SEPTIN7: variants seen among roughly 807,000 people sequenced by gnomAD.
SEPTIN7 encodes the protein septin-7.
In SEPTIN7, 10 loss-of-function variants were observed where a neutral mutation model predicts 63.3. The ratio of observed to expected loss-of-function variants is 0.16; its 90% CI spans 0.10 to 0.27. The LOEUF (loss-of-function observed/expected upper bound fraction) is 0.27, where lower values mean the gene tolerates loss of function less well. SEPTIN7 is among the 10% of genes least tolerant of loss of function. The pLI, the probability that SEPTIN7 is intolerant of heterozygous loss-of-function variation, is 1.00. For missense variants in SEPTIN7, 310 were observed against 521.0 expected (o/e 0.59, Z 3.94); for synonymous variants, 131 against 165.3 (o/e 0.79, Z 1.59).
chr7:35,812,638 A>G (rs886736458), intron 1 of SEPTIN7, among the ~76,000 whole-genome samples: 1 of 152,142 alleles, frequency 6.6e-6, no homozygotes, highest in Non-Finnish European at 1.5e-5. Context: ...GTTGGTGGGT[A>G]GTGGATTTCA....
At chr7:35,868,017 C>T (rs1005483720) in intron 4 of SEPTIN7, among the ~76,000 whole-genome samples, 11 of 151,564 alleles carry the variant, frequency 7.3e-5, no homozygotes, top group South Asian at 4.2e-4. Flanking sequence ...GGATTACAGG[C>T]GCGTACTACA....
intron 3 of SEPTIN7, among the ~76,000 whole-genome samples, chr7:35,849,286 C>CA (rs1784839873): frequency 6.6e-6 from 1 of 152,022 alleles, no homozygotes; most frequent in African/African-American, 2.4e-5. Context: ...TCGTGGAAGA[C>CA]AATTTTTCTG....
At chr7:35,891,357 TTG>T (rs1485420629) in intron 11 of SEPTIN7, among the ~76,000 whole-genome samples, 2 of 151,920 alleles carry the variant, frequency 1.3e-5, no homozygotes, top group Non-Finnish European at 2.9e-5. Flanking sequence ...TTTTGTCATT[TTG>T]TAAACATCAT....
At chr7:35,915,086 T>C in the SEPTIN7 span, among the ~76,000 whole-genome samples, 1 of 151,922 alleles carries the variant, frequency 6.6e-6, no homozygotes, top group Non-Finnish European at 1.5e-5. Context: ...TACATATATG[T>C]ATATATGCGT....
chr7:35,864,991 T>G lies in SEPTIN7; in HGVS notation c.276+1333T>G, dbSNP rs78424195. ...GGAGTAATTTTGTGAAGTGAATTTC[T>G]TATTTCTCCTTCTCAATGTTTCTAT... On this transcript the variant is annotated intron_variant, in intron 4 of 13. Coordinates refer to ENST00000350320, the MANE Select transcript of SEPTIN7 (RefSeq NM_001788.6). Among the ~76,000 whole-genome samples the G allele has an allele frequency of 2.7e-3, 409 of 152,214 alleles. 2 individuals carry two copies. Among genetic ancestry groups the G allele is most frequent in the African/African-American group, 9.4e-3 (391 of 41,536 alleles).
chr7:35,839,135 C>T (rs1784278429), intron 3 of SEPTIN7, among the ~76,000 whole-genome samples: 1 of 152,058 alleles, frequency 6.6e-6, no homozygotes, highest in Non-Finnish European at 1.5e-5. Flanking sequence ...CATGGTGAGA[C>T]TTATTTGGAG....
intron 1 of SEPTIN7, among the ~76,000 whole-genome samples, chr7:35,806,620 A>G (rs567684682): frequency 4.2e-4 from 64 of 152,232 alleles, no homozygotes; most frequent in Non-Finnish European, 7.8e-4. Flanking sequence ...CACATCTTGT[A>G]GCCTTTATTC....
chr7:35,843,128 T>G (rs1228154090), intron 3 of SEPTIN7, among the ~76,000 whole-genome samples: 1 of 152,180 alleles, frequency 6.6e-6, no homozygotes, highest in East Asian at 1.9e-4. Context: ...CATCACCTCC[T>G]TCAGGTTCTT....
At chr7:35,828,502 A>C (rs1187881789) in intron 1 of SEPTIN7, among the ~76,000 whole-genome samples, 1 of 152,020 alleles carries the variant, frequency 6.6e-6, no homozygotes, top group Non-Finnish European at 1.5e-5. Context: ...CAGCATCCCA[A>C]GTAGCTGGGA....
At chr7:35,801,947 A>G (rs970247631) in intron 1 of SEPTIN7, among the ~76,000 whole-genome samples, 1 of 152,004 alleles carries the variant, frequency 6.6e-6, no homozygotes, top group African/African-American at 2.4e-5. Flanking sequence ...AGGCCGGTGG[A>G]TGGCGGGCGA....
chr7:35,915,051 GTATA>G, the SEPTIN7 span, among the ~76,000 whole-genome samples: 1 of 151,346 alleles, frequency 6.6e-6, no homozygotes, highest in Non-Finnish European at 1.5e-5. Flanking sequence ...ATGTATATAT[GTATA>G]TATACACAGA....
At chr7:35,876,162 C>G (rs1414549670) in intron 6 of SEPTIN7, among the ~76,000 whole-genome samples, 2 of 152,008 alleles carry the variant, frequency 1.3e-5, no homozygotes, top group Non-Finnish European at 2.9e-5. Context: ...AGTTGACTTC[C>G]CTAATTTCCT....
At chr7:35,870,060 G>T (rs898077765) in intron 4 of SEPTIN7, among the ~76,000 whole-genome samples, 1 of 152,184 alleles carries the variant, frequency 6.6e-6, no homozygotes, top group African/African-American at 2.4e-5. Context: ...ACTTGTAAAA[G>T]CAGATGATAG....
In SEPTIN7 at chr7:35,816,917, C is replaced by CT. The variant is rs1789103506; in HGVS notation, c.62-14574dup. Among the ~76,000 whole-genome samples the CT allele has an allele frequency of 4.6e-5, 7 of 151,972 alleles. No homozygotes were observed. In the South Asian group the frequency reaches 1.2e-3, roughly 27 times the overall value. On this transcript the variant is annotated intron_variant, in intron 1 of 13. Transcript: ENST00000350320. Reference sequence around the variant, plus strand: ...CTGAGTTTTTAATGAAGTTGTCTTACTACTGTTCAGTTGTAAGAATTCTTC... The same window carrying CT: ...CTGAGTTTTTAATGAAGTTGTCTTACTTACTGTTCAGTTGTAAGAATTCTTC...
At chr7:35,884,356 G>A (rs1270648654) in intron 9 of SEPTIN7, among the ~76,000 whole-genome samples, 5 of 152,076 alleles carry the variant, frequency 3.3e-5, no homozygotes, top group African/African-American at 7.2e-5. Flanking sequence ...AAGGATGCTC[G>A]ACCAGTAAGT....
chr7:35,832,344 T>A (rs1783872557), intron 2 of SEPTIN7, among the ~76,000 whole-genome samples: 1 of 152,096 alleles, frequency 6.6e-6, no homozygotes, highest in South Asian at 2.1e-4. Context: ...ATTTCATGAA[T>A]AAGAAGACAA....
At chr7:35,885,210 A>G (rs1787153609) in intron 9 of SEPTIN7, among the ~76,000 whole-genome samples, 1 of 152,040 alleles carries the variant, frequency 6.6e-6, no homozygotes, top group South Asian at 2.1e-4. Context: ...CCTTATTGGC[A>G]ATTTTCCCAT....
At chr7:35,896,557 G>T (rs1196675838) in intron 11 of SEPTIN7, among the ~76,000 whole-genome samples, 2 of 152,050 alleles carry the variant, frequency 1.3e-5, no homozygotes, top group African/African-American at 4.8e-5. Flanking sequence ...GAGATCAGAG[G>T]CAACTGTATT....
intron 3 of SEPTIN7, among the ~76,000 whole-genome samples, chr7:35,838,343 TCCCTCCCTCCCTCCCTCCCTCCTC>T (rs1784227384): frequency 2.5e-4 from 1 of 4,018 alleles, no homozygotes; most frequent in Non-Finnish European, 4.1e-4. Flanking sequence ...CCTCCCTCCC[TCCCTCCCTCCCTCCCTCCCTCCTC>T]CCTCCCTCCC....
Sources: allele counts gnomAD v4.1 joint callset (sites outside exome capture counted in the v4.1 genomes callset), GRCh38; gene constraint gnomAD v4.1.1; transcripts MANE v1.5; gene names NCBI Gene and HGNC (gene_info 2026-07-23, HGNC 2026-07-21).